DNM2: variants seen among roughly 807,000 people sequenced by gnomAD.
The protein encoded by DNM2 is dynamin-2.
DNM2 carries 15 observed loss-of-function variants against 99.0 expected under a neutral mutation model. The observed-to-expected ratio is 0.15, with a 90% CI of 0.10 to 0.23. The LOEUF is 0.23. DNM2 is among the 10% of genes least tolerant of loss of function. The pLI, the probability that DNM2 is intolerant of heterozygous loss-of-function variation, is 1.00. For synonymous variants in DNM2, 525 were observed against 481.2 expected (o/e 1.09, Z -1.19); for missense variants, 742 against 1,189.4 (o/e 0.62, Z 5.53).
At chr19:10,750,997 TGGG>T (rs1171815347) in intron 1 of DNM2, among the ~76,000 whole-genome samples, 2 of 151,506 alleles carry the variant, frequency 1.3e-5, no homozygotes, top group African/African-American at 4.9e-5. Context: ...GATCCCACCT[TGGG>T]GAGCTGTGTG....
chr19:10,718,979 C>A (rs1168332616), intron 1 of DNM2, among the ~76,000 whole-genome samples: 1 of 152,202 alleles, frequency 6.6e-6, no homozygotes, highest in African/African-American at 2.4e-5. Flanking sequence ...GTCTGGCCGC[C>A]CATCCGTGCC....
At chr19:10,749,514 G>C (rs976703781) in intron 1 of DNM2, among the ~76,000 whole-genome samples, 1 of 152,180 alleles carries the variant, frequency 6.6e-6, no homozygotes, top group Admixed American at 6.5e-5. Context: ...AGGCCAAGCC[G>C]GTGGCTGGGC....
chr19:10,749,315 A>G (rs1361850920), intron 1 of DNM2, among the ~76,000 whole-genome samples: 2 of 152,196 alleles, frequency 1.3e-5, no homozygotes, highest in Admixed American at 6.5e-5. Flanking sequence ...CGGTAAATAA[A>G]CAGCCTGGGC....
chr19:10,739,380 C>G lies in DNM2; in HGVS notation c.162-20358C>G, dbSNP rs574840430. Among the ~76,000 whole-genome samples, 42 of 152,286 alleles carry G rather than the reference C, an allele frequency of 2.8e-4. No homozygotes were observed. In the East Asian group the frequency reaches 7.9e-3, roughly 29 times the overall value. On this transcript the variant is annotated intron_variant, in intron 1 of 20. Coordinates refer to ENST00000389253, the MANE Select transcript of DNM2 (RefSeq NM_001005361.3). ...CCAGCACCACTATCTGATTTTGTAG[C>G]ACTTTCATTTCCCCTAAACCCATAC...
chr19:10,721,914 C>A (rs1379411266), intron 1 of DNM2, among the ~76,000 whole-genome samples: 1 of 152,142 alleles, frequency 6.6e-6, no homozygotes, highest in African/African-American at 2.4e-5. Context: ...ACACTCAGAT[C>A]TATAGAGTTC....
At position 10,777,216 on chromosome 19, in the gene DNM2, G is replaced by C. The variant is rs1245632083; in HGVS notation, c.688G>C (p.Gly230Arg). The change falls in exon 5 of 21, where the codon GGC becomes CGC. Residue 230 changes from glycine (G) to arginine (R), a missense_variant and splice_region_variant. By Grantham distance (125) the Gly-to-Arg change is moderately radical (BLOSUM62 -2). This residue lies in a region of DNM2 where 192 missense variants were observed against 358.9 expected (regional missense o/e 0.54). Coordinates refer to ENST00000389253, the MANE Select transcript of DNM2 (RefSeq NM_001005361.3). Reference protein sequence around the residue: ...LENKLLPLRRGYIGVVNRSQK... With the variant: ...LENKLLPLRRRYIGVVNRSQK... ...GAACAAGTTGCTCCCGTTGAGAAGA[G>C]GTGTGGCTTTGGGGGTGCTGGGGAA... 6.2e-7 allele frequency: 1 copy of C among 1,614,002 alleles called. No individual in the cohort carries two copies. The highest frequency in any genetic ancestry group is 1.3e-5 in the African/African-American group (1 of 74,926).
intron 19 of DNM2, 138 bp downstream of exon 19, chr19:10,829,406 T>C (rs2073255625): frequency 8.8e-7 from 1 of 1,141,136 alleles, no homozygotes; most frequent in African/African-American, 1.5e-5. Flanking sequence ...TGGGAGCTGC[T>C]GCCCTGCTGA....
chr19:10,812,108 TGG>T lies in DNM2; in HGVS notation c.1558-154_1558-153del, dbSNP rs2072568534. On this transcript the variant is annotated intron_variant, in intron 14 of 20. Transcript: ENST00000389253. This position sits in a 1 kb window ranked among gnomAD's most constrained non-coding sequence, Gnocchi z 4.0. ...ATGTTGGTTTCCTGCTGGAAATGCT[TGG>T]GACAGGGTGGAACTGGGTTTCCTGG... is the stretch of plus-strand genomic sequence containing the variant. 5 of 626,116 alleles carry T rather than the reference TGG, an allele frequency of 8.0e-6. No homozygotes were observed. Among genetic ancestry groups the T allele is most frequent in the Non-Finnish European group, 1.4e-5 (5 of 344,902 alleles). The allele number at this position is 626,116 out of a possible 1,614,324, so 38.8% of individuals were successfully genotyped here. A position where few individuals can be genotyped will look rare whatever the true frequency, so the allele number is the denominator to read the frequency against.
intron 1 of DNM2, among the ~76,000 whole-genome samples, chr19:10,755,730 C>T (rs1161315497): frequency 1.3e-5 from 2 of 151,774 alleles, no homozygotes; most frequent in East Asian, 3.9e-4. Context: ...GTGATGCGAT[C>T]TCGGCTCACT....
At chr19:10,781,274 A>G (rs2071360714) in intron 5 of DNM2, 2 of 152,204 alleles carry the variant, frequency 1.3e-5, no homozygotes, top group Admixed American at 6.6e-5. Flanking sequence ...CACACAGGTG[A>G]TGGTGACTCT....
rs748670378 is a variant in DNM2 at position 10,811,705 on chromosome 19, G to A, written c.1558-559G>A. On this transcript the variant is annotated intron_variant, in intron 14 of 20. Coordinates refer to ENST00000389253, the MANE Select transcript of DNM2 (RefSeq NM_001005361.3). This position sits in a 1 kb window ranked among gnomAD's most constrained non-coding sequence, Gnocchi z 5.4. ...CGCAGGCCTGGGTTCTGACCCCCAC[G>A]CAGATGACAGCTACAGCCACACAAT... 17 of 517,984 alleles carry A rather than the reference G, an allele frequency of 3.3e-5. No homozygotes were observed. Among genetic ancestry groups the A allele is most frequent in the South Asian group, 1.4e-4 (10 of 71,374 alleles). 32.1% of individuals were successfully genotyped at this position (517,984 alleles called of 1,614,324 possible).
Position 10,830,285 on chromosome 19 carries a change from G to A in DNM2, c.2450G>A (p.Ser817Asn). The A allele has an allele frequency of 6.2e-7, 1 of 1,613,876 alleles. No homozygotes were observed. ...ATCCCATCCCGGCCTGGACCCCAGA[G>A]CGTGTTTGCCAACAGTGACCTCTTC... is the stretch of plus-strand genomic sequence containing the variant. The part of the protein sequence containing the change: ...PPIPSRPGPQ[S>N]VFANSDLFPA... Residue 817 changes from serine to asparagine, a missense_variant, in exon 20 of 21, where the codon AGC becomes AAC. Physicochemically the swap from Ser to Asn is conservative, Grantham distance 46. Around this residue, in one of 7 missense-constraint regions of DNM2, gnomAD observed 187 missense variants for 218.8 expected, o/e 0.85. Coordinates refer to ENST00000389253, the MANE Select transcript of DNM2 (RefSeq NM_001005361.3). The surrounding 1 kb of genome is among the most constrained non-coding windows in gnomAD (Gnocchi z 4.8).
At chr19:10,807,899 T>G (rs2146090021) in intron 13 of DNM2, among the ~76,000 whole-genome samples, 1 of 149,566 alleles carries the variant, frequency 6.7e-6, no homozygotes, top group South Asian at 2.2e-4. Flanking sequence ...TCCTAGCACT[T>G]TGGGAGGCCG....
chr19:10,782,862 G>A, intron 5 of DNM2, 98 bp from the exon 6 acceptor site: 1 of 1,552,468 alleles, frequency 6.4e-7, no homozygotes, highest in Middle Eastern at 2.0e-4. Flanking sequence ...TGCCTCGTGG[G>A]ACAGGATCCA....
rs755937038 is a variant in DNM2, at chr19:10,816,925, T to G, written c.1672-3055T>G. Among the ~76,000 whole-genome samples the G allele has an allele frequency of 5.3e-5, 8 of 152,248 alleles. No individual in the cohort carries two copies. Among genetic ancestry groups the G allele is most frequent in the Admixed American group, 3.3e-4 (5 of 15,298 alleles). On this transcript the variant is annotated intron_variant, in intron 15 of 20. Transcript: ENST00000389253. This position sits in a 1 kb window ranked among gnomAD's most constrained non-coding sequence, Gnocchi z 4.6. ...TCCCGTGGAGCCCCACACTGGAGTCTGGAGCAGCAGTGGGAGAAGGGCCGG... is the reference window on the plus strand; with the variant it reads ...TCCCGTGGAGCCCCACACTGGAGTCGGGAGCAGCAGTGGGAGAAGGGCCGG...
intron 1 of DNM2, among the ~76,000 whole-genome samples, chr19:10,724,600 C>A (rs1040484172): frequency 6.6e-6 from 1 of 152,112 alleles, no homozygotes; most frequent in Non-Finnish European, 1.5e-5. Context: ...GGGAGGATGC[C>A]CGGAGGCCAG....
intron 7 of DNM2, among the ~76,000 whole-genome samples, chr19:10,791,696 A>T (rs905508456): frequency 2.0e-5 from 3 of 150,938 alleles, no homozygotes; most frequent in Admixed American, 6.6e-5. Context: ...TCCTTGCCTA[A>T]CCCTCCCCCT....
chr19:10,784,623 G>A (rs1205097653), intron 6 of DNM2, among the ~76,000 whole-genome samples: 1 of 151,986 alleles, frequency 6.6e-6, no homozygotes, highest in Non-Finnish European at 1.5e-5. Context: ...CAGACCAAGG[G>A]AAGGCCAGCG....
At chr19:10,809,520 G>A (rs2072466015) in intron 14 of DNM2, 1 of 152,342 alleles carries the variant, frequency 6.6e-6, no homozygotes, top group Non-Finnish European at 1.5e-5. Context: ...CCCTCAGCTG[G>A]GGCCCAGTGT....
Sources: gnomAD v4.1 joint callset for allele counts (sites outside exome capture counted in the v4.1 genomes callset) on GRCh38, gnomAD v4.1.1 for gene constraint, gnomAD v4.1.1 regional missense constraint, Gnocchi (gnomAD v3.1) non-coding constraint, MANE v1.5 for transcripts, NCBI Gene and HGNC (gene_info 2026-07-23, HGNC 2026-07-21) for gene names.